The following HHLA2 variants were observed in gnomAD, a reference collection of about 807,000 sequenced individuals.
HHLA2 encodes HERV-H LTR-associating protein 2.
A neutral mutation model predicts 45.9 loss-of-function variants in HHLA2; 48 were observed. The observed-to-expected ratio is 1.05, with a 90% confidence interval of 0.83 to 1.33. The LOEUF is 1.33. HHLA2 is among the 40% of genes most tolerant of loss of function. The probability of loss-of-function intolerance (pLI) is 0.00; values close to 1 mark genes in which losing one functional copy is unlikely to be tolerated. For synonymous variants in HHLA2, 161 were observed against 173.9 expected, an observed-to-expected ratio of 0.93 and a Z score of 0.59; for missense variants, 462 against 494.3, an observed-to-expected ratio of 0.93 and a Z score of 0.62.
At chr3:108,297,811 A>T (rs1019808134) in intron 1 of HHLA2, among the ~76,000 whole-genome samples, 5 of 152,208 alleles carry the variant, frequency 3.3e-5, no homozygotes, top group Non-Finnish European at 7.3e-5. Context: ...TGCTTAAAAT[A>T]GACCATAGCT....
intron 3 of HHLA2, among the ~76,000 whole-genome samples, chr3:108,346,246 T>A (rs1404063868): frequency 6.6e-6 from 1 of 152,148 alleles, no homozygotes; most frequent in Non-Finnish European, 1.5e-5. Flanking sequence ...CCCTAAATGG[T>A]GGGATTTCAC....
intron 2 of HHLA2, among the ~76,000 whole-genome samples, chr3:108,315,118 C>A (rs908582326): frequency 6.6e-6 from 1 of 152,216 alleles, no homozygotes; most frequent in Non-Finnish European, 1.5e-5. Flanking sequence ...CAGAGGCTCT[C>A]ACCCTGTGGA....
intron 1 of HHLA2, among the ~76,000 whole-genome samples, chr3:108,306,589 G>T (rs923366942): frequency 2.6e-5 from 4 of 152,098 alleles, no homozygotes; most frequent in African/African-American, 9.7e-5. Context: ...TATTTTGTGT[G>T]TATGTCAGTT....
intron 8 of HHLA2, among the ~76,000 whole-genome samples, chr3:108,368,254 AC>A (rs566570681): frequency 1.1e-3 from 171 of 152,258 alleles, no homozygotes; most frequent in Middle Eastern, 3.4e-3. Flanking sequence ...CTGCAAAAAA[AC>A]ACCATAATAT....
At chr3:108,343,204 T>G (rs1433477781) in intron 3 of HHLA2, among the ~76,000 whole-genome samples, 1 of 152,178 alleles carries the variant, frequency 6.6e-6, no homozygotes, top group Non-Finnish European at 1.5e-5. Context: ...TCTCAGAACT[T>G]GAACCTTTCC....
intron 3 of HHLA2, among the ~76,000 whole-genome samples, chr3:108,334,739 A>G (rs936338382): frequency 4.6e-5 from 7 of 152,210 alleles, no homozygotes; most frequent in African/African-American, 1.7e-4. Flanking sequence ...GGCAAATGAA[A>G]TCAAAGATGG....
At chr3:108,347,896 G>C (rs1182225344) in intron 3 of HHLA2, among the ~76,000 whole-genome samples, 2 of 152,132 alleles carry the variant, frequency 1.3e-5, no homozygotes, top group Non-Finnish European at 2.9e-5. Flanking sequence ...TAGGTGAGAT[G>C]AAGACTGGAG....
intron 1 of HHLA2, among the ~76,000 whole-genome samples, chr3:108,308,768 G>A (rs996792712): frequency 2.0e-5 from 3 of 152,132 alleles, no homozygotes; most frequent in African/African-American, 7.2e-5. Context: ...CAGTGATGTT[G>A]AGCACCTTTT....
intron 1 of HHLA2, among the ~76,000 whole-genome samples, chr3:108,301,381 TG>T (rs1473171909): frequency 6.6e-6 from 1 of 152,194 alleles, no homozygotes; most frequent in Non-Finnish European, 1.5e-5. Flanking sequence ...ATACTAAGTA[TG>T]TATAGGTTCT....
chr3:108,348,926 T>C (rs4855558), intron 3 of HHLA2, among the ~76,000 whole-genome samples: 102,669 of 151,744 alleles, frequency 0.68, 35,613 homozygotes, highest in African/African-American at 0.77. Context: ...CTGAGAATGA[T>C]GGTTTCCAGC....
rs770486924 is a variant in HHLA2 at position 108,355,361 on chromosome 3, C to G, written c.665C>G (p.Thr222Arg). 6.8e-6 allele frequency: 11 copies of G among 1,613,650 alleles called. No homozygotes were observed. The South Asian group carries it at 1.2e-4, about 18-fold the overall frequency. ...AATTCACTGCTGAAGCAAACATGGA[C>G]AGGGCGCTGGACGATGAAAGGTAGG... The change falls in exon 6 of 11, where the codon ACA becomes AGA. Residue 222 changes from threonine to arginine, a missense_variant. Thr to Arg is a moderately conservative substitution (Grantham distance 71). Coordinates refer to ENST00000619531, the Ensembl canonical transcript of HHLA2.
At chr3:108,297,205 T>G (rs2080774727) in intron 1 of HHLA2, among the ~76,000 whole-genome samples, 1 of 152,204 alleles carries the variant, frequency 6.6e-6, no homozygotes, top group African/African-American at 2.4e-5. Flanking sequence ...TCATTGGGTT[T>G]CTATTGTTTG....
intron 1 of HHLA2, among the ~76,000 whole-genome samples, chr3:108,299,800 A>G (rs1302463528): frequency 6.6e-6 from 1 of 152,144 alleles, no homozygotes; most frequent in Non-Finnish European, 1.5e-5. Flanking sequence ...AATACTATTG[A>G]CATTCGCTAG....
chr3:108,301,249 G>GTGTAA (rs1467238687), intron 1 of HHLA2, among the ~76,000 whole-genome samples: 1 of 152,070 alleles, frequency 6.6e-6, no homozygotes, highest in African/African-American at 2.4e-5. Context: ...TGTGCTTTTA[G>GTGTAA]TGTTGCATGC....
At chr3:108,350,554 G>A (rs2081758947) in intron 3 of HHLA2, among the ~76,000 whole-genome samples, 1 of 152,054 alleles carries the variant, frequency 6.6e-6, no homozygotes, top group Non-Finnish European at 1.5e-5. Flanking sequence ...TGTTACATGG[G>A]TATATTGCAT....
At chr3:108,318,948 A>G (rs888634684) in intron 2 of HHLA2, among the ~76,000 whole-genome samples, 4 of 152,122 alleles carry the variant, frequency 2.6e-5, no homozygotes, top group African/African-American at 4.8e-5. Flanking sequence ...CCTTTTCTCC[A>G]CTTCGCAAAT....
intron 2 of HHLA2, among the ~76,000 whole-genome samples, chr3:108,318,547 C>T (rs1466770292): frequency 2.0e-5 from 3 of 152,142 alleles, no homozygotes; most frequent in Non-Finnish European, 4.4e-5. Context: ...CAGTCTAATT[C>T]CTGGAAATAA....
intron 3 of HHLA2, among the ~76,000 whole-genome samples, chr3:108,344,631 G>A (rs748707309): frequency 1.1e-4 from 17 of 152,188 alleles, no homozygotes; most frequent in Non-Finnish European, 2.4e-4. Flanking sequence ...ATGTTTTACA[G>A]AGAAAAAGGT....
At chr3:108,319,642 C>T (rs1173510055) in intron 2 of HHLA2, among the ~76,000 whole-genome samples, 2 of 152,252 alleles carry the variant, frequency 1.3e-5, no homozygotes, top group Non-Finnish European at 2.9e-5. Flanking sequence ...GACAAGTTTA[C>T]TAGAGGCAGA....
Sources: allele counts gnomAD v4.1 joint callset (sites outside exome capture counted in the v4.1 genomes callset), GRCh38; gene constraint gnomAD v4.1.1; transcripts MANE v1.5; gene names NCBI Gene and HGNC (gene_info 2026-07-23, HGNC 2026-07-21).